Variants in DENND2C observed in about 807,000 individuals in gnomAD.
DENND2C encodes the protein DENN domain-containing protein 2C.
In DENND2C, 72 loss-of-function variants were observed where a neutral mutation model predicts 112.4. That is an observed-to-expected ratio of 0.64 (90% confidence interval 0.53 to 0.78). The LOEUF (loss-of-function observed/expected upper bound fraction) is 0.78, where lower values mean the gene tolerates loss of function less well. DENND2C is among the 30% of genes least tolerant of loss of function. The pLI, the probability that DENND2C is intolerant of heterozygous loss-of-function variation, is 0.00. For missense variants in DENND2C, 992 were observed against 1,113.8 expected, an observed-to-expected ratio of 0.89 and a Z score of 1.56; for synonymous variants, 329 against 381.6, an observed-to-expected ratio of 0.86 and a Z score of 1.61.
intron 3 of DENND2C, among the ~76,000 whole-genome samples, chr1:114,638,227 A>T (rs1285115999): frequency 2.0e-5 from 3 of 150,886 alleles, no homozygotes; most frequent in Non-Finnish European, 3.0e-5. Flanking sequence ...ATCTATCTGT[A>T]AAAAAAAATG....
chr1:114,639,815 C>A (rs1656772008), intron 3 of DENND2C, among the ~76,000 whole-genome samples: 1 of 151,578 alleles, frequency 6.6e-6, no homozygotes, highest in Admixed American at 6.6e-5. Context: ...TTCAAGCAAT[C>A]TGAAGTGCTG....
intron 3 of DENND2C, among the ~76,000 whole-genome samples, chr1:114,640,629 A>G (rs1283474981): frequency 6.6e-6 from 1 of 152,336 alleles, no homozygotes; most frequent in Non-Finnish European, 1.5e-5. Flanking sequence ...AGTGCTAAGC[A>G]GGAGTTCAGA....
At position 114,621,967 on chromosome 1, in the gene DENND2C, C is replaced by T. The variant is rs1196789159; in HGVS notation, c.1155G>A (p.Pro385=). 8 of 1,550,628 alleles carry T rather than the reference C, an allele frequency of 5.2e-6. No individual in the cohort carries two copies. The highest frequency in any genetic ancestry group is 1.2e-5 in the South Asian group (1 of 84,060). Residue 385 remains proline, a synonymous_variant, in exon 7 of 21, where the codon CCG becomes CCA. Coordinates refer to ENST00000393274, the MANE Select transcript of DENND2C (RefSeq NM_001256404.2). ...AAAGCTTCCATTCCGTTAAAGTGAC[C>T]GGCAAAGTTGTATCTTTTGTAAGCT... ...RSKLTKDTTL[P]VTLTEWKLFR... is the part of the protein sequence containing the mutation.
chr1:114,655,393 T>C (rs557920012), intron 1 of DENND2C, among the ~76,000 whole-genome samples: 24 of 152,282 alleles, frequency 1.6e-4, no homozygotes, highest in Admixed American at 8.5e-4. Flanking sequence ...TGAACAAAAC[T>C]AAGAGCGCAT....
intron 17 of DENND2C, 87 bp downstream of exon 17, chr1:114,595,745 T>C: frequency 8.0e-7 from 1 of 1,247,172 alleles, no homozygotes; most frequent in Non-Finnish European, 1.2e-6. Context: ...AGTCATATTC[T>C]CTAAGTACTT....
intron 1 of DENND2C, among the ~76,000 whole-genome samples, chr1:114,664,335 G>A (rs1448743708): frequency 6.6e-6 from 1 of 152,130 alleles, no homozygotes; most frequent in East Asian, 1.9e-4. Flanking sequence ...AACGGAAGCT[G>A]GGCACAGTGG....
chr1:114,591,881 T>TTTA lies in DENND2C; in HGVS notation c.2431+2589_2431+2591dup, dbSNP rs568111224. 1.5e-3 allele frequency among the ~76,000 whole-genome samples: 218 copies of TTTA among 145,594 alleles called. 1 individual carries two copies. The highest frequency in any genetic ancestry group is 3.6e-3 in the Middle Eastern group (1 of 280). ...ATCATTTATTATTATTATTATTATT[T>TTTA]TTATTATTATTATTATTATTTTAGA... On this transcript the variant is annotated intron_variant, in intron 18 of 20. Transcript: ENST00000393274.
intron 8 of DENND2C, 24 bp downstream of exon 8, chr1:114,618,362 G>A: frequency 6.8e-7 from 1 of 1,473,920 alleles, no homozygotes. Context: ...CTACAGGATA[G>A]CTGGAACGAA....
chr1:114,618,409 C>T lies in DENND2C; in HGVS notation c.1301G>A (p.Gly434Glu). ...KKKVKLHSYT[G>E]KELPPTKGET... The stretch of plus-strand genomic sequence containing the variant: ...ACCTTTTGTCGGAGGTAATTCCTTT[C>T]CAGTGTAAGAATGTAACTTTACCTT... Residue 434 changes from glycine to glutamate, a missense_variant, in exon 8 of 21, where the codon GGA becomes GAA. This residue lies in a region of DENND2C where 516 missense variants were observed against 623.6 expected (regional missense o/e 0.83). Coordinates refer to ENST00000393274, the MANE Select transcript of DENND2C (RefSeq NM_001256404.2). The T allele has an allele frequency of 6.3e-7, 1 of 1,590,430 alleles. No individual in the cohort carries two copies. The highest frequency in any genetic ancestry group is 8.5e-7 in the Non-Finnish European group (1 of 1,170,918).
chr1:114,669,343 C>T (rs905645204), intron 1 of DENND2C, among the ~76,000 whole-genome samples: 1 of 152,086 alleles, frequency 6.6e-6, no homozygotes, highest in Non-Finnish European at 1.5e-5. Flanking sequence ...TTAATTTGGC[C>T]GAGGTATCAC....
At position 114,621,930 on chromosome 1, in the gene DENND2C, C is replaced by T; in HGVS notation, c.1192G>A (p.Glu398Lys). The T allele has an allele frequency of 6.4e-7, 1 of 1,550,654 alleles. No individual in the cohort carries two copies. Among genetic ancestry groups the T allele is most frequent in the Non-Finnish European group, 8.7e-7 (1 of 1,147,010 alleles). Residue 398 changes from glutamate to lysine, a missense_variant, in exon 7 of 21, where the codon GAA (glutamate) becomes AAA (lysine). This residue lies in a region of DENND2C where 470 missense variants were observed against 472.7 expected (regional missense o/e 0.99). Transcript: ENST00000393274. ...LTEWKLFRAG[E>K]VANTKRKNLP... The stretch of plus-strand genomic sequence containing the variant: ...TTTTTCCTTTTCGTGTTTGCAACTT[C>T]ACCAGCTCGGAAAAGCTTCCATTCC...
chr1:114,600,682 A>T, intron 14 of DENND2C, 138 bp downstream of exon 14: 1 of 1,193,676 alleles, frequency 8.4e-7, no homozygotes, highest in Non-Finnish European at 1.1e-6. Context: ...ATATTTCTCC[A>T]GTGCTTTATG....
At chr1:114,627,266 G>A (rs1656369866) in intron 3 of DENND2C, among the ~76,000 whole-genome samples, 1 of 152,158 alleles carries the variant, frequency 6.6e-6, no homozygotes, top group Admixed American at 6.5e-5. Flanking sequence ...CCTACCAACT[G>A]AGTGAAGACC....
chr1:114,587,835 TC>T lies in DENND2C; in HGVS notation c.2548del (p.Glu850AsnfsTer62), dbSNP rs780596735. 6.2e-7 allele frequency: 1 copy of T among 1,614,096 alleles called. No individual in the cohort carries two copies. Among genetic ancestry groups the T allele is most frequent in the Non-Finnish European group, 8.5e-7 (1 of 1,179,994 alleles). Reference sequence around the variant, plus strand: ...GGAGGTGTGGGACTTACGGAATGGTTCCCTTTGGAAAACACGCTCCCCACGC... The same window carrying T: ...GGAGGTGTGGGACTTACGGAATGGTTCCTTTGGAAAACACGCTCCCCACGC... ...TERGERVFQR[E>X]PFRKSHTSRS... On this transcript the variant is annotated frameshift_variant, in exon 19 of 21. Coordinates refer to ENST00000393274, the MANE Select transcript of DENND2C (RefSeq NM_001256404.2). LOFTEE classifies it high-confidence loss of function.
Position 114,622,035 on chromosome 1 carries a change from T to A in DENND2C, c.1087A>T (p.Lys363Ter). ...TGTGAGTTCTTTACTTCCATAGTCT[T>A]CCGGTGAAGGAACTGAGGTTTTGGA... ...LPPKPQFLHRKTMEVKNSQAY... is the reference protein window; with the variant it reads ...LPPKPQFLHR Residue 363 changes from lysine (K) to a stop codon, truncating the protein, a stop_gained, in exon 7 of 21, where the codon AAG (lysine) becomes TAG (stop). Transcript: ENST00000393274. LOFTEE classifies it high-confidence loss of function. 6.5e-7 allele frequency: 1 copy of A among 1,547,830 alleles called. No homozygotes were observed. The highest frequency in any genetic ancestry group is 8.7e-7 in the Non-Finnish European group (1 of 1,146,104).
At position 114,588,103 on chromosome 1, in the gene DENND2C, C is replaced by T. The variant is rs1655091525; in HGVS notation, c.2432-151G>A. 8.5e-6 allele frequency: 6 copies of T among 703,300 alleles called. No individual in the cohort carries two copies. The East Asian group carries it at 1.6e-4, about 19-fold the overall frequency. The allele number at this position is 703,300 out of a possible 1,614,324, so 43.6% of individuals were successfully genotyped here. A position where few individuals can be genotyped will look rare whatever the true frequency, so the allele number is the denominator to read the frequency against. ...GGAGTGTTCATTCTTCACTTTCTTTCTGCACGACCTAGAAAAGGCTAATTG... is the reference window on the plus strand; with the variant it reads ...GGAGTGTTCATTCTTCACTTTCTTTTTGCACGACCTAGAAAAGGCTAATTG... On this transcript the variant is annotated intron_variant, in intron 18 of 20. Transcript: ENST00000393274.
At chr1:114,589,220 C>A (rs952087985) in intron 18 of DENND2C, among the ~76,000 whole-genome samples, 1 of 152,062 alleles carries the variant, frequency 6.6e-6, no homozygotes, top group African/African-American at 2.4e-5. Context: ...TCGTCTTTTT[C>A]CCCCCGCCCT....
chr1:114,656,937 G>T (rs909813226), intron 1 of DENND2C, among the ~76,000 whole-genome samples: 11 of 151,812 alleles, frequency 7.2e-5, no homozygotes, highest in African/African-American at 2.7e-4. Flanking sequence ...TTTTAGTAGG[G>T]ATGGGGTTTC....
At chr1:114,616,177 G>A (rs1042713197) in intron 8 of DENND2C, among the ~76,000 whole-genome samples, 4 of 152,010 alleles carry the variant, frequency 2.6e-5, no homozygotes, top group African/African-American at 9.7e-5. Context: ...ATCATTTGAG[G>A]TCAGGAGTTC....
Sources: gnomAD v4.1 joint callset for allele counts (sites outside exome capture counted in the v4.1 genomes callset) on GRCh38, gnomAD v4.1.1 for gene constraint, gnomAD v4.1.1 regional missense constraint, MANE v1.5 for transcripts, NCBI Gene and HGNC (gene_info 2026-07-23, HGNC 2026-07-21) for gene names.